Variants in TANC2 observed in about 807,000 individuals in gnomAD.
TANC2 encodes the protein tetratricopeptide repeat, ankyrin repeat and coiled-coil containing 2, also known as protein TANC2.
Under a neutral mutation model 210.5 loss-of-function variants are expected in TANC2, and 26 were observed. The observed-to-expected ratio is 0.12, with a 90% CI of 0.09 to 0.17. The LOEUF is 0.17. Among genes scored for constraint, TANC2 ranks in the 10% least tolerant of loss-of-function variants. TANC2 has a pLI of 1.00. For synonymous variants in TANC2, 931 were observed against 967.1 expected, an observed-to-expected ratio of 0.96 and a Z score of 0.69; for missense variants, 2,129 against 2,608.9, an observed-to-expected ratio of 0.82 and a Z score of 4.01.
At chr17:63,318,349 C>CTATGTAA (rs1174545667) in intron 10 of TANC2, among the ~76,000 whole-genome samples, 1 of 152,152 alleles carries the variant, frequency 6.6e-6, no homozygotes, top group East Asian at 1.9e-4. Context: ...AACTCACATA[C>CTATGTAA]TATGTAATTC....
chr17:63,035,410 C>T (rs942017256), intron 2 of TANC2, among the ~76,000 whole-genome samples: 124 of 152,270 alleles, frequency 8.1e-4, no homozygotes, highest in African/African-American at 2.8e-3. Context: ...CATTTTCTTG[C>T]AGTGGTCTGG....
chr17:63,427,344 T>A (rs1599107974), exon 28 of TANC2: 1 of 152,304 alleles, frequency 6.6e-6, no homozygotes, highest in East Asian at 1.9e-4. Flanking sequence ...TTAATGCACT[T>A]AGTTTTCCTT....
intron 7 of TANC2, among the ~76,000 whole-genome samples, chr17:63,229,216 G>A (rs2042406319): frequency 6.6e-6 from 1 of 152,138 alleles, no homozygotes. Flanking sequence ...TTCTCTTTGT[G>A]TGATGAATTA....
At chr17:63,390,620 C>G (rs965012237) in intron 17 of TANC2, 2 of 152,230 alleles carry the variant, frequency 1.3e-5, no homozygotes, top group African/African-American at 4.8e-5. Context: ...TGCCACCACA[C>G]TCAGCTTTAT....
chr17:63,138,879 T>G (rs1598458617), intron 4 of TANC2, among the ~76,000 whole-genome samples: 1 of 152,364 alleles, frequency 6.6e-6, no homozygotes, highest in Non-Finnish European at 1.5e-5. Context: ...GAAGCTGCAT[T>G]GTAACCATGG....
At chr17:63,122,695 G>A (rs1196963346) in intron 4 of TANC2, among the ~76,000 whole-genome samples, 1 of 152,124 alleles carries the variant, frequency 6.6e-6, no homozygotes, top group Non-Finnish European at 1.5e-5. Flanking sequence ...TCACACCACT[G>A]TACTCCAGCC....
At chr17:63,286,746 A>C (rs2146387745) in intron 9 of TANC2, among the ~76,000 whole-genome samples, 1 of 152,242 alleles carries the variant, frequency 6.6e-6, no homozygotes, top group South Asian at 2.1e-4. Context: ...GTCCACTTGG[A>C]GTTATCTCAC....
chr17:63,164,096 T>A (rs934847747), intron 5 of TANC2, among the ~76,000 whole-genome samples: 14 of 150,724 alleles, frequency 9.3e-5, no homozygotes, highest in Non-Finnish European at 1.3e-4. Context: ...TACTGGGAGA[T>A]AAATTAGCAA....
chr17:63,321,176 C>T (rs1043192139), intron 11 of TANC2, among the ~76,000 whole-genome samples: 27 of 151,386 alleles, frequency 1.8e-4, no homozygotes, highest in African/African-American at 6.5e-4. Context: ...TTAGCCTGGG[C>T]AACAGAGTGA....
At position 63,230,299 on chromosome 17, in the gene TANC2, C is replaced by G. The variant is rs1319072201; in HGVS notation, c.770-7515C>G. Among the ~76,000 whole-genome samples the G allele has an allele frequency of 3.3e-5, 5 of 151,902 alleles. No homozygotes were observed. The East Asian group carries it at 9.6e-4, about 29-fold the overall frequency. On this transcript the variant is annotated intron_variant, in intron 7 of 27. Transcript: ENST00000689528. ...CTGTCTCCCTCAGTTCTGCTGTAATCTTGGTTATTTCTTGTCTTCTGGTAG... is the reference window on the plus strand; with the variant it reads ...CTGTCTCCCTCAGTTCTGCTGTAATGTTGGTTATTTCTTGTCTTCTGGTAG...
At chr17:63,057,164 G>A (rs375341189) in intron 2 of TANC2, among the ~76,000 whole-genome samples, 17 of 152,044 alleles carry the variant, frequency 1.1e-4, no homozygotes, top group African/African-American at 4.1e-4. Flanking sequence ...AGAATGCAAT[G>A]CATATATGCC....
chr17:63,364,105 C>G (rs1255358184), intron 14 of TANC2, among the ~76,000 whole-genome samples: 1 of 152,182 alleles, frequency 6.6e-6, no homozygotes, highest in South Asian at 2.1e-4. Context: ...AAGAGTAAAT[C>G]TGAGACTCAT....
At chr17:63,128,212 T>A (rs1426549977) in intron 4 of TANC2, among the ~76,000 whole-genome samples, 1 of 152,136 alleles carries the variant, frequency 6.6e-6, no homozygotes, top group Non-Finnish European at 1.5e-5. Flanking sequence ...CAATAATAAT[T>A]GTACATTTTA....
chr17:63,042,225 G>T (rs1214459161), intron 2 of TANC2, among the ~76,000 whole-genome samples: 1 of 151,934 alleles, frequency 6.6e-6, no homozygotes, highest in African/African-American at 2.4e-5. Context: ...AGGATCTGGG[G>T]GAGGGAAAGT....
chr17:63,350,404 A>C (rs1226645275), intron 12 of TANC2, among the ~76,000 whole-genome samples: 1 of 152,170 alleles, frequency 6.6e-6, no homozygotes, highest in Non-Finnish European at 1.5e-5. Flanking sequence ...TTCAGTGTGG[A>C]AATTTTTGAA....
chr17:63,079,449 A>C (rs2036689889), intron 3 of TANC2, among the ~76,000 whole-genome samples: 1 of 152,030 alleles, frequency 6.6e-6, no homozygotes, highest in Non-Finnish European at 1.5e-5. Context: ...TCTTTCCAGG[A>C]TTTTCAGTTA....
At chr17:63,220,995 C>T (rs2042172437) in intron 7 of TANC2, among the ~76,000 whole-genome samples, 1 of 151,430 alleles carries the variant, frequency 6.6e-6, no homozygotes, top group African/African-American at 2.4e-5. Context: ...TATAAAACTG[C>T]AAGAAGAAAT....
At chr17:63,263,105 A>G (rs1359180181) in intron 8 of TANC2, among the ~76,000 whole-genome samples, 1 of 152,184 alleles carries the variant, frequency 6.6e-6, no homozygotes, top group Non-Finnish European at 1.5e-5. Flanking sequence ...AAGACGGGAA[A>G]CATAAAGCGT....
At chr17:63,351,795 A>G (rs1314240749) in intron 13 of TANC2, among the ~76,000 whole-genome samples, 1 of 152,134 alleles carries the variant, frequency 6.6e-6, no homozygotes, top group African/African-American at 2.4e-5. Flanking sequence ...ACATCCTAGA[A>G]TGAGATTTTC....
Sources: gnomAD v4.1 joint callset for allele counts (sites outside exome capture counted in the v4.1 genomes callset) on GRCh38, gnomAD v4.1.1 for gene constraint, MANE v1.5 for transcripts, NCBI Gene and HGNC (gene_info 2026-07-23, HGNC 2026-07-21) for gene names.